Variants in BRME1 observed in about 807,000 individuals in gnomAD.
The protein encoded by BRME1 is break repair meiotic recombinase recruitment factor 1, also known as BRCA2 and MEILB2-associating protein 1.
Under a neutral mutation model 52.6 loss-of-function variants are expected in BRME1, and 31 were observed. That is an observed-to-expected ratio of 0.59 (90% CI 0.44 to 0.80). BRME1 has a LOEUF of 0.80. Ranked by LOEUF, BRME1 falls within the 30% of genes least tolerant of loss-of-function variation. The pLI is 0.00. For synonymous variants in BRME1, 359 were observed against 353.6 expected (o/e 1.02, Z -0.17); for missense variants, 804 against 860.3 (o/e 0.93, Z 0.82).
intron 3 of BRME1, 118 bp downstream of exon 3, chr19:13,895,254 T>G: frequency 4.9e-6 from 5 of 1,011,054 alleles, no homozygotes; most frequent in South Asian, 4.2e-5. Flanking sequence ...TGGGAGGGAG[T>G]GGGTCACAGC....
intron 2 of BRME1, among the ~76,000 whole-genome samples, chr19:13,898,055 C>T (rs1296484676): frequency 7.2e-6 from 1 of 139,400 alleles, no homozygotes; most frequent in Non-Finnish European, 1.6e-5. Context: ...GCCAAGATGG[C>T]GCCACTGCAC....
At chr19:13,898,487 G>A (rs2145209161) in intron 2 of BRME1, among the ~76,000 whole-genome samples, 1 of 152,274 alleles carries the variant, frequency 6.6e-6, no homozygotes, top group East Asian at 1.9e-4. Flanking sequence ...GCATGCACCT[G>A]TAGTCTCAGC....
chr19:13,897,988 A>G (rs2145206394), intron 2 of BRME1, among the ~76,000 whole-genome samples: 1 of 151,778 alleles, frequency 6.6e-6, no homozygotes, highest in South Asian at 2.1e-4. Context: ...AATCCCAGCT[A>G]CTTGGGAGGC....
Position 13,882,766 on chromosome 19 carries a change from G to A in BRME1, c.*36C>T. ...TTGGAGGAGGTCTGCGGACATGGGG[G>A]CTGGGTGGCAAAGGAAACACAGACC... On this transcript the variant is annotated 3_prime_UTR_variant, in exon 9 of 9. Coordinates refer to ENST00000586783, the MANE Select transcript of BRME1 (RefSeq NM_001345843.2). 1.9e-6 allele frequency: 3 copies of A among 1,612,092 alleles called. No individual in the cohort carries two copies. Among genetic ancestry groups the A allele is most frequent in the Non-Finnish European group, 2.5e-6 (3 of 1,179,458 alleles).
rs754982174 is a variant in BRME1, at chr19:13,882,988, G to T, written c.1857-36C>A. On this transcript the variant is annotated intron_variant, in intron 8 of 8. Coordinates refer to ENST00000586783, the MANE Select transcript of BRME1 (RefSeq NM_001345843.2). ...AACACAGGCATGCGTGTGGGGCTCA[G>T]TGGTCACCAGGTGACAGAGGGGGCC... The T allele has an allele frequency of 3.1e-6, 5 of 1,599,482 alleles. No homozygotes were observed. The South Asian group carries it at 5.5e-5, about 18-fold the overall frequency.
intron 3 of BRME1, 113 bp from the exon 4 acceptor site, chr19:13,893,336 G>A (rs1466756484): frequency 4.1e-5 from 33 of 800,574 alleles, no homozygotes; most frequent in Middle Eastern, 3.5e-4. Context: ...CCAGGAGTTC[G>A]AGACCAACCT....
chr19:13,895,852 G>A (rs1969851651), intron 2 of BRME1, among the ~76,000 whole-genome samples: 1 of 152,196 alleles, frequency 6.6e-6, no homozygotes, highest in South Asian at 2.1e-4. Context: ...ACAGCCACCG[G>A]GTGCTGAAGA....
intron 6 of BRME1, 145 bp downstream of exon 6, chr19:13,889,043 T>C: frequency 1.4e-6 from 1 of 720,328 alleles, no homozygotes; most frequent in Non-Finnish European, 2.2e-6. Context: ...GAGCTGCAAC[T>C]CGGACTCCTA....
Position 13,883,431 on chromosome 19 carries a change from C to A in BRME1, c.1764-31G>T. On this transcript the variant is annotated intron_variant, in intron 7 of 8. Coordinates refer to ENST00000586783, the MANE Select transcript of BRME1 (RefSeq NM_001345843.2). The surrounding 1 kb of genome is among the most constrained non-coding windows in gnomAD (Gnocchi z 4.2). ...CAGCAGGGAAGGAAATTGAGAGTGG[C>A]CCGACCTCACTGGACTACCAGAGCT... 1 of 1,480,632 alleles carries A rather than the reference C, an allele frequency of 6.8e-7. No individual in the cohort carries two copies. Among genetic ancestry groups the A allele is most frequent in the Non-Finnish European group, 9.1e-7 (1 of 1,097,488 alleles). The allele number at this position is 1,480,632 out of a possible 1,614,324, so 91.7% of individuals were successfully genotyped here. A position where few individuals can be genotyped will look rare whatever the true frequency, so the allele number is the denominator to read the frequency against.
At position 13,884,472 on chromosome 19, in the gene BRME1, T is replaced by C. The variant is rs141823800; in HGVS notation, c.1764-1072A>G. Among the ~76,000 whole-genome samples, 78 of 151,520 alleles carry C rather than the reference T, an allele frequency of 5.1e-4. 2 individuals carry two copies. The highest frequency in any genetic ancestry group is 2.4e-3 in the Admixed American group (37 of 15,186). Reference sequence around the variant, plus strand: ...AAAATCCCATCTCTAAAAAAAAATATACAAAATTAGCCGGGTGTGGTGGCG... The same window carrying C: ...AAAATCCCATCTCTAAAAAAAAATACACAAAATTAGCCGGGTGTGGTGGCG... On this transcript the variant is annotated intron_variant, in intron 7 of 8. Coordinates refer to ENST00000586783, the MANE Select transcript of BRME1 (RefSeq NM_001345843.2).
chr19:13,883,304 G>T lies in BRME1; in HGVS notation c.1856+4C>A, dbSNP rs1208004401. 6.5e-7 allele frequency: 1 copy of T among 1,531,824 alleles called. No individual in the cohort carries two copies. Among genetic ancestry groups the T allele is most frequent in the Non-Finnish European group, 8.7e-7 (1 of 1,143,388 alleles). The allele number at this position is 1,531,824 out of a possible 1,614,324, so 94.9% of individuals were successfully genotyped here. ...TGTGCCGTGAGTCCAAGCCCACCCC[G>T]TACTTCAGGTTGGAGAGCTCAACGA... On this transcript the variant is annotated splice_donor_region_variant and intron_variant, in intron 8 of 8. Coordinates refer to ENST00000586783, the MANE Select transcript of BRME1 (RefSeq NM_001345843.2). The surrounding 1 kb of genome is among the most constrained non-coding windows in gnomAD (Gnocchi z 4.2).
At position 13,889,514 on chromosome 19, in the gene BRME1, G is replaced by C. The variant is rs140606837; in HGVS notation, c.1342C>G (p.Gln448Glu). Residue 448 changes from glutamine to glutamate, a missense_variant, in exon 6 of 9, where the codon CAG becomes GAG. Coordinates refer to ENST00000586783, the MANE Select transcript of BRME1 (RefSeq NM_001345843.2). Reference sequence around the variant, plus strand: ...TGAGCAGGACCTGGCTCCTGCTTCTGATTGACACATGGACCTGTGTCCGGG... The same window carrying C: ...TGAGCAGGACCTGGCTCCTGCTTCTCATTGACACATGGACCTGTGTCCGGG... Reference protein sequence around the residue: ...ASPDTGPCVNQKQEPGPAQEE... With the variant: ...ASPDTGPCVNEKQEPGPAQEE... 95 of 1,613,788 alleles carry C rather than the reference G, an allele frequency of 5.9e-5. No individual in the cohort carries two copies. Among genetic ancestry groups the C allele is most frequent in the Non-Finnish European group, 7.7e-5 (91 of 1,180,040 alleles).
At chr19:13,897,498 G>C (rs1278385847) in intron 2 of BRME1, among the ~76,000 whole-genome samples, 1 of 150,738 alleles carries the variant, frequency 6.6e-6, no homozygotes, top group Non-Finnish European at 1.5e-5. Context: ...GCTCAAGGCA[G>C]GGTGCTGCTG....
At chr19:13,901,727 C>T (rs1363787332) in intron 2 of BRME1, among the ~76,000 whole-genome samples, 1 of 149,372 alleles carries the variant, frequency 6.7e-6, no homozygotes, top group Admixed American at 6.7e-5. Context: ...AAGCTCAACA[C>T]TGTATCTGTA....
At position 13,889,472 on chromosome 19, in the gene BRME1, C is replaced by A; in HGVS notation, c.1384G>T (p.Gly462Cys). The change falls in exon 6 of 9, where the codon GGT becomes TGT. Residue 462 changes from glycine to cysteine, a missense_variant. By Grantham distance (159) the Gly-to-Cys change is radical. Transcript: ENST00000586783. ...PGPAQEEAEL[G>C]GQNLERDLEG... ...AGGTCTCGTTCGAGGTTCTGGCCAC[C>A]TAACTCGGCTTCCTCTTGAGCAGGA... 2 of 1,613,986 alleles carry A rather than the reference C, an allele frequency of 1.2e-6. No individual in the cohort carries two copies. The highest frequency in any genetic ancestry group is 2.2e-5 in the South Asian group (2 of 91,086).
rs894367975 is a variant in BRME1, at chr19:13,888,048, C to T, written c.1668+1140G>A. ...CAAGTGATTCTTCTGCCTCAGCCTC[C>T]GGAGTAGCTGGGATTAGAGGCACAC... On this transcript the variant is annotated intron_variant, in intron 6 of 8. Coordinates refer to ENST00000586783, the MANE Select transcript of BRME1 (RefSeq NM_001345843.2). This position sits in a 1 kb window ranked among gnomAD's most constrained non-coding sequence, Gnocchi z 4.1. Among the ~76,000 whole-genome samples the T allele has an allele frequency of 1.6e-4, 24 of 152,200 alleles. No individual in the cohort carries two copies. Among genetic ancestry groups the T allele is most frequent in the South Asian group, 6.2e-4 (3 of 4,820 alleles).
At chr19:13,895,828 G>A (rs964839296) in intron 2 of BRME1, among the ~76,000 whole-genome samples, 3 of 152,170 alleles carry the variant, frequency 2.0e-5, no homozygotes, top group Non-Finnish European at 4.4e-5. Flanking sequence ...GCCATCCTGG[G>A]AAAACTGGGA....
chr19:13,898,287 A>G (rs1353900818), intron 2 of BRME1, among the ~76,000 whole-genome samples: 3 of 152,116 alleles, frequency 2.0e-5, no homozygotes, highest in African/African-American at 7.2e-5. Context: ...AATGCCTACT[A>G]TGTAGTAGAT....
intron 2 of BRME1, among the ~76,000 whole-genome samples, chr19:13,897,028 C>T (rs1186757117): frequency 6.8e-6 from 1 of 147,462 alleles, no homozygotes; most frequent in Non-Finnish European, 1.5e-5. Flanking sequence ...AGAAAACTCC[C>T]TTACATCGAA....
Sources: allele counts gnomAD v4.1 joint callset (sites outside exome capture counted in the v4.1 genomes callset), GRCh38; gene constraint gnomAD v4.1.1; non-coding constraint Gnocchi (gnomAD v3.1); transcripts MANE v1.5; gene names NCBI Gene and HGNC (gene_info 2026-07-23, HGNC 2026-07-21).